Variants in ITPR2 observed in about 807,000 individuals in gnomAD.
ITPR2 encodes inositol 1,4,5-trisphosphate-gated calcium channel ITPR2.
A neutral mutation model predicts 317.1 loss-of-function variants in ITPR2; 207 were observed. That is an observed-to-expected ratio of 0.65 (90% CI 0.58 to 0.73). The LOEUF (loss-of-function observed/expected upper bound fraction) is 0.73, where lower values mean the gene tolerates loss of function less well. Ranked by LOEUF, ITPR2 falls within the 30% of genes least tolerant of loss-of-function variation. The pLI, the probability that ITPR2 is intolerant of heterozygous loss-of-function variation, is 0.00. For missense variants in ITPR2, 2,613 were observed against 3,284.0 expected (o/e 0.80, Z 4.99); for synonymous variants, 1,156 against 1,149.1 (o/e 1.01, Z -0.12).
chr12:26,346,285 C>CTTGTAG lies in ITPR2; in HGVS notation c.7858-5963_7858-5958dup, dbSNP rs1269227779. Among the ~76,000 whole-genome samples, 4 of 152,130 alleles carry CTTGTAG rather than the reference C, an allele frequency of 2.6e-5. No homozygotes were observed. The East Asian group carries it at 7.7e-4, about 29-fold the overall frequency. ...GACCATTAGATAGAAGTGTAGAAAC[C>CTTGTAG]TTGTAGTCATTCAATAAAATGATTA... On this transcript the variant is annotated intron_variant, in intron 55 of 56. Transcript: ENST00000381340.
At chr12:26,788,776 T>G (rs1053377277) in intron 2 of ITPR2, among the ~76,000 whole-genome samples, 1 of 152,218 alleles carries the variant, frequency 6.6e-6, no homozygotes, top group East Asian at 1.9e-4. Context: ...TGTGCTATAT[T>G]CTGGGTGGTT....
At chr12:26,352,244 C>T (rs1250796678) in intron 55 of ITPR2, among the ~76,000 whole-genome samples, 1 of 152,198 alleles carries the variant, frequency 6.6e-6, no homozygotes, top group Non-Finnish European at 1.5e-5. Flanking sequence ...CAACAGATGC[C>T]AAGAAGCAAA....
At chr12:26,826,249 A>T (rs1951008157) in intron 1 of ITPR2, among the ~76,000 whole-genome samples, 1 of 152,008 alleles carries the variant, frequency 6.6e-6, no homozygotes, top group African/African-American at 2.4e-5. Context: ...AAAAAGTCCT[A>T]TTGAGGAAAA....
chr12:26,380,324 A>G (rs1237943348), intron 55 of ITPR2, among the ~76,000 whole-genome samples: 5 of 152,254 alleles, frequency 3.3e-5, no homozygotes, highest in Non-Finnish European at 5.9e-5. Context: ...ACACATGAAT[A>G]CTAAAGAGAA....
At position 26,484,107 on chromosome 12, in the gene ITPR2, G is replaced by T. The variant is rs148753405; in HGVS notation, c.5812-209C>A. Among the ~76,000 whole-genome samples, 311 of 150,802 alleles carry T rather than the reference G, an allele frequency of 2.1e-3. 4 individuals are homozygous for T. The highest frequency in any genetic ancestry group is 6.8e-3 in the African/African-American group (281 of 41,130). On this transcript the variant is annotated intron_variant, in intron 41 of 56. Transcript: ENST00000381340. ...TATATATACACACACACATATATAT[G>T]TATACATGTACATATATATGTGTGT...
chr12:26,807,779 A>AT (rs1207388860), intron 1 of ITPR2, among the ~76,000 whole-genome samples: 2 of 152,162 alleles, frequency 1.3e-5, no homozygotes, highest in African/African-American at 2.4e-5. Flanking sequence ...TAAGACCATA[A>AT]TATCAACCCC....
intron 1 of ITPR2, among the ~76,000 whole-genome samples, chr12:26,813,933 T>A (rs1374602129): frequency 6.6e-6 from 1 of 152,204 alleles, no homozygotes; most frequent in African/African-American, 2.4e-5. Flanking sequence ...ACATGTGTTG[T>A]CTCCGCCTAT....
chr12:26,578,807 T>A lies in ITPR2; in HGVS notation c.4536A>T (p.Leu1512=). The A allele has an allele frequency of 6.2e-7, 1 of 1,609,734 alleles. No homozygotes were observed. Among genetic ancestry groups the A allele is most frequent in the South Asian group, 1.1e-5 (1 of 90,638 alleles). Residue 1512 remains leucine (L), a synonymous_variant, in exon 34 of 57, where the codon CTA becomes CTT. Coordinates refer to ENST00000381340, the MANE Select transcript of ITPR2 (RefSeq NM_002223.4). ...TGTAAATTCTGAAGGCAGATTGCAG[T>A]AGCTGAATAAAAACTGGCTGATGTG... The part of the protein sequence containing the change: ...LQTHQPVFIQ[L]LQSAFRIYNC...
intron 34 of ITPR2, among the ~76,000 whole-genome samples, chr12:26,570,405 CTG>C (rs1425915776): frequency 3.3e-5 from 5 of 152,116 alleles, no homozygotes; most frequent in Non-Finnish European, 5.9e-5. Flanking sequence ...TTTTTAAAAA[CTG>C]TGATCACAGG....
intron 37 of ITPR2, among the ~76,000 whole-genome samples, chr12:26,505,089 T>G (rs1943155328): frequency 6.6e-6 from 1 of 152,204 alleles, no homozygotes; most frequent in South Asian, 2.1e-4. Flanking sequence ...TTGGCTGAGG[T>G]CATGAGTCTT....
At chr12:26,704,948 C>T (rs1948523288) in intron 9 of ITPR2, among the ~76,000 whole-genome samples, 1 of 152,166 alleles carries the variant, frequency 6.6e-6, no homozygotes, top group South Asian at 2.1e-4. Flanking sequence ...GGAATGCCTA[C>T]AGCACATGAA....
At chr12:26,395,370 T>C (rs1301235833) in intron 54 of ITPR2, among the ~76,000 whole-genome samples, 4 of 152,148 alleles carry the variant, frequency 2.6e-5, no homozygotes, top group Non-Finnish European at 5.9e-5. Context: ...GACTGGCTTT[T>C]TAATAACTGT....
intron 47 of ITPR2, among the ~76,000 whole-genome samples, chr12:26,437,927 G>C (rs1049370744): frequency 2.0e-5 from 3 of 151,928 alleles, no homozygotes; most frequent in South Asian, 4.2e-4. Flanking sequence ...TCAGCCTCCC[G>C]AGTAGCTGGG....
intron 37 of ITPR2, among the ~76,000 whole-genome samples, chr12:26,513,192 C>T (rs1943401898): frequency 1.3e-5 from 2 of 152,190 alleles, no homozygotes; most frequent in South Asian, 4.1e-4. Flanking sequence ...TACTATAAGA[C>T]ACTCTGCAGT....
chr12:26,600,543 A>G (rs1423726522), intron 28 of ITPR2, among the ~76,000 whole-genome samples: 1 of 150,574 alleles, frequency 6.6e-6, no homozygotes, highest in Non-Finnish European at 1.5e-5. Flanking sequence ...AGTCCCCATA[A>G]TTCTTCCCTT....
chr12:26,454,151 A>G (rs1941818823), intron 45 of ITPR2, among the ~76,000 whole-genome samples: 1 of 152,166 alleles, frequency 6.6e-6, no homozygotes, highest in South Asian at 2.1e-4. Flanking sequence ...TTAGAAAATG[A>G]TGAATTACAA....
intron 37 of ITPR2, among the ~76,000 whole-genome samples, chr12:26,508,302 A>T (rs1326041579): frequency 6.6e-6 from 1 of 152,202 alleles, no homozygotes; most frequent in Admixed American, 6.5e-5. Context: ...TTAATCTGGC[A>T]TTGTATCAAA....
At chr12:26,525,207 C>A (rs1048688022) in intron 37 of ITPR2, among the ~76,000 whole-genome samples, 2 of 152,144 alleles carry the variant, frequency 1.3e-5, no homozygotes, top group East Asian at 3.8e-4. Context: ...CAGGGGATGG[C>A]AAAGTAGAGC....
intron 37 of ITPR2, among the ~76,000 whole-genome samples, chr12:26,509,717 C>T (rs891042869): frequency 2.6e-5 from 4 of 152,058 alleles, no homozygotes; most frequent in African/African-American, 9.7e-5. Flanking sequence ...GTTTAGGGCA[C>T]AATAAATCAA....
Sources: gnomAD v4.1 joint callset for allele counts (sites outside exome capture counted in the v4.1 genomes callset) on GRCh38, gnomAD v4.1.1 for gene constraint, MANE v1.5 for transcripts, NCBI Gene and HGNC (gene_info 2026-07-23, HGNC 2026-07-21) for gene names.